Variants in KLF15 observed in about 807,000 individuals in gnomAD.
The protein encoded by KLF15 is Krueppel-like factor 15.
Under a neutral mutation model 24.6 loss-of-function variants are expected in KLF15, and 4 were observed. The observed-to-expected ratio is 0.16, with a 90% confidence interval of 0.08 to 0.37. KLF15 has a LOEUF of 0.37. Ranked by LOEUF, KLF15 falls within the 10% of genes least tolerant of loss-of-function variation. The probability of loss-of-function intolerance (pLI) is 1.00; values close to 1 mark genes in which losing one functional copy is unlikely to be tolerated. For synonymous variants in KLF15, 246 were observed against 236.3 expected, an observed-to-expected ratio of 1.04 and a Z score of -0.37; for missense variants, 496 against 560.6, an observed-to-expected ratio of 0.88 and a Z score of 1.16.
the KLF15 span, among the ~76,000 whole-genome samples, chr3:126,321,375 T>G: frequency 2.6e-5 from 4 of 152,228 alleles, no homozygotes; most frequent in Non-Finnish European, 5.9e-5. Context: ...CTAGTGGCCA[T>G]GCCTGCTGTG....
At position 126,352,081 on chromosome 3, in the gene KLF15, A is replaced by T; in HGVS notation, c.842T>A (p.Ile281Asn). 1 of 1,543,052 alleles carries T rather than the reference A, an allele frequency of 6.5e-7. No individual in the cohort carries two copies. Among genetic ancestry groups the T allele is most frequent in the South Asian group, 1.2e-5 (1 of 81,568 alleles). ...CTTGGCGGCAATGGGCACAGGGGCA[A>T]TGCGCACAAACTTGGAGGGCAGGTT... ...NLNLPSKFVRIAPVPIAAKPV... is the reference protein window; with the variant it reads ...NLNLPSKFVRNAPVPIAAKPV... Residue 281 changes from isoleucine (I) to asparagine (N), a missense_variant, in exon 2 of 3, where the codon ATT becomes AAT. By Grantham distance (149) the Ile-to-Asn change is moderately radical. Transcript: ENST00000296233.
the KLF15 span, among the ~76,000 whole-genome samples, chr3:126,294,345 T>C: frequency 6.6e-6 from 1 of 152,322 alleles, no homozygotes; most frequent in South Asian, 2.1e-4. Context: ...ACAGAGACAC[T>C]GTTTGTGCTT....
At chr3:126,336,044 T>C in the KLF15 span, among the ~76,000 whole-genome samples, 2,350 of 121,344 alleles carry the variant, frequency 0.019, 33 homozygotes, top group African/African-American at 0.077. Context: ...AAGCTACCAA[T>C]GACTTTCTTC....
rs202141942 is a variant in KLF15, at chr3:126,352,939, C to G, written c.-17G>C. 41 of 1,578,770 alleles carry G rather than the reference C, an allele frequency of 2.6e-5. No individual in the cohort carries two copies. In the African/African-American group the frequency reaches 4.7e-4, roughly 18 times the overall value. On this transcript the variant is annotated 5_prime_UTR_variant, in exon 2 of 3. Transcript: ENST00000296233. The stretch of plus-strand genomic sequence containing the variant: ...GTCCACCATGCTGGCCTGGCCGTGC[C>G]GGTGGCGGCTGCAGGAAAGGAACAC...
the KLF15 span, among the ~76,000 whole-genome samples, chr3:126,313,383 T>C: frequency 6.6e-6 from 1 of 152,210 alleles, no homozygotes; most frequent in Non-Finnish European, 1.5e-5. Flanking sequence ...AGCTGACTCA[T>C]ACAAGGGCCC....
chr3:126,308,484 G>T, the KLF15 span, among the ~76,000 whole-genome samples: 1 of 152,170 alleles, frequency 6.6e-6, no homozygotes, highest in African/African-American at 2.4e-5. Context: ...GGAGCTGCAC[G>T]TCCCGGTGTC....
At chr3:126,316,476 G>GA in the KLF15 span, among the ~76,000 whole-genome samples, 1 of 150,520 alleles carries the variant, frequency 6.6e-6, no homozygotes, top group African/African-American at 2.4e-5. Flanking sequence ...GAGTGGGGAA[G>GA]GGAGTCCACA....
chr3:126,316,536 T>TGGGCCGGAGTAGGGAGGGAGTACAC, the KLF15 span, among the ~76,000 whole-genome samples: 1 of 112,296 alleles, frequency 8.9e-6, no homozygotes, highest in Admixed American at 9.0e-5. Context: ...AGGGAGTACA[T>TGGGCCGGAGTAGGGAGGGAGTACAC]GGGCCGGAGT....
In KLF15 at chr3:126,346,214, TC is replaced by T. The variant is rs531788099; in HGVS notation, c.1083-2320del. Among the ~76,000 whole-genome samples the T allele has an allele frequency of 1.1e-3, 166 of 152,220 alleles. 1 individual carries two copies. The highest frequency in any genetic ancestry group is 3.8e-3 in the African/African-American group (157 of 41,544). On this transcript the variant is annotated intron_variant, in intron 2 of 2. Coordinates refer to ENST00000296233, the MANE Select transcript of KLF15 (RefSeq NM_014079.4). ...CCCAGCTGCAGCTGGGCACACAGCT[TC>T]TGAGCAGAGGAGCTGGCCCAGGGCA... is the stretch of plus-strand genomic sequence containing the variant.
At chr3:126,319,025 C>T in the KLF15 span, among the ~76,000 whole-genome samples, 7 of 152,212 alleles carry the variant, frequency 4.6e-5, no homozygotes, top group East Asian at 5.8e-4. Context: ...TTTGCTTTTT[C>T]CAGATTGTCA....
intron 2 of KLF15, among the ~76,000 whole-genome samples, chr3:126,347,727 C>A (rs2082546318): frequency 6.6e-6 from 1 of 152,182 alleles, no homozygotes; most frequent in Non-Finnish European, 1.5e-5. Flanking sequence ...GCTCTCAGCC[C>A]TGTTGAGGGT....
the KLF15 span, among the ~76,000 whole-genome samples, chr3:126,291,431 A>G: frequency 0.032 from 4,825 of 152,348 alleles, 242 homozygotes; most frequent in African/African-American, 0.11. Context: ...CATGGAATGA[A>G]TAACCAAGGT....
At position 126,343,192 on chromosome 3, in the gene KLF15, C is replaced by T. The variant is rs560553759; in HGVS notation, c.*535G>A. On this transcript the variant is annotated 3_prime_UTR_variant, in exon 3 of 3. Transcript: ENST00000296233. Reference sequence around the variant, plus strand: ...CCCCCCCCCCCCCGGCTCCAGGGACCTGCCCACACCCTCTGGTGATCATGC... The same window carrying T: ...CCCCCCCCCCCCCGGCTCCAGGGACTTGCCCACACCCTCTGGTGATCATGC... 95 of 127,040 alleles carry T rather than the reference C, an allele frequency of 7.5e-4. 1 individual carries two copies. The highest frequency in any genetic ancestry group is 2.5e-3 in the African/African-American group (89 of 35,162). 7.9% of individuals were successfully genotyped at this position (127,040 alleles called of 1,614,324 possible).
At chr3:126,322,572 C>T in the KLF15 span, among the ~76,000 whole-genome samples, 3 of 152,198 alleles carry the variant, frequency 2.0e-5, no homozygotes, top group African/African-American at 4.8e-5. Flanking sequence ...ATCACATCCA[C>T]GAAGGAAGTC....
chr3:126,316,030 C>G, the KLF15 span, among the ~76,000 whole-genome samples: 3 of 152,228 alleles, frequency 2.0e-5, no homozygotes, highest in Non-Finnish European at 2.9e-5. Context: ...TGCTGTCTGT[C>G]TCTGTGCAAG....
intron 1 of KLF15, among the ~76,000 whole-genome samples, chr3:126,353,451 G>T (rs2082604518): frequency 1.3e-5 from 2 of 152,194 alleles, no homozygotes; most frequent in Admixed American, 1.3e-4. Flanking sequence ...CCAGAGGGTT[G>T]CCAGATTACG....
chr3:126,294,750 T>C, the KLF15 span, among the ~76,000 whole-genome samples: 1 of 151,978 alleles, frequency 6.6e-6, no homozygotes, highest in African/African-American at 2.4e-5. Context: ...TCGGGTTCCT[T>C]CTTTCCCTTC....
the KLF15 span, among the ~76,000 whole-genome samples, chr3:126,311,894 G>A: frequency 6.6e-6 from 1 of 152,218 alleles, no homozygotes; most frequent in Non-Finnish European, 1.5e-5. Context: ...GGAGGCCACT[G>A]GTCTGACCAG....
chr3:126,339,490 T>A (rs1278809897), downstream of KLF15, among the ~76,000 whole-genome samples: 1 of 152,154 alleles, frequency 6.6e-6, no homozygotes, highest in Admixed American at 6.5e-5. Flanking sequence ...CAGGAGTGTT[T>A]GAATGCTGCT....
Sources: gnomAD v4.1 joint callset for allele counts (sites outside exome capture counted in the v4.1 genomes callset) on GRCh38, gnomAD v4.1.1 for gene constraint, MANE v1.5 for transcripts, NCBI Gene and HGNC (gene_info 2026-07-23, HGNC 2026-07-21) for gene names.